TMOD3: variants seen among roughly 807,000 people sequenced by gnomAD.
TMOD3 encodes the protein tropomodulin-3.
TMOD3 carries 20 observed loss-of-function variants against 39.2 expected under a neutral mutation model. That is an observed-to-expected ratio of 0.51 (90% CI 0.36 to 0.74). The LOEUF is 0.74. Among genes scored for constraint, TMOD3 ranks in the 30% least tolerant of loss-of-function variants. The pLI, the probability that TMOD3 is intolerant of heterozygous loss-of-function variation, is 0.00. For missense variants in TMOD3, 381 were observed against 412.8 expected, an observed-to-expected ratio of 0.92 and a Z score of 0.67; for synonymous variants, 143 against 145.8, an observed-to-expected ratio of 0.98 and a Z score of 0.14.
At chr15:51,855,533 G>GT (rs2056383671) in intron 1 of TMOD3, among the ~76,000 whole-genome samples, 1 of 152,210 alleles carries the variant, frequency 6.6e-6, no homozygotes. Flanking sequence ...AAAAAGTTGT[G>GT]TTTTTCTTAA....
rs186439797 is a variant in TMOD3 at position 51,863,375 on chromosome 15, C to T, written c.126+365C>T. Among the ~76,000 whole-genome samples the T allele has an allele frequency of 3.8e-3, 573 of 152,304 alleles. 4 individuals carry two copies. Among genetic ancestry groups the T allele is most frequent in the African/African-American group, 0.013 (551 of 41,568 alleles). On this transcript the variant is annotated intron_variant, in intron 2 of 9. Transcript: ENST00000308580. ...TCAGAGCTTCTATGCCAGGTGGCTC[C>T]AGTGTAGAATGCCTCTAAAAGATTC...
In TMOD3 at chr15:51,902,237, G is replaced by A. The variant is rs1252756724; in HGVS notation, c.1024+201G>A. 2.0e-5 allele frequency among the ~76,000 whole-genome samples: 3 copies of A among 152,064 alleles called. 1 individual carries two copies. Among genetic ancestry groups the A allele is most frequent in the African/African-American group, 7.2e-5 (3 of 41,398 alleles). On this transcript the variant is annotated intron_variant, in intron 9 of 9. Transcript: ENST00000308580. ...ATGATTGGGTCAATGGGTAAAATCA[G>A]CTTCCTGTGACAAGCGTATTTCATA...
At chr15:51,852,364 G>C (rs1221211038) in intron 1 of TMOD3, among the ~76,000 whole-genome samples, 1 of 151,846 alleles carries the variant, frequency 6.6e-6, no homozygotes, top group African/African-American at 2.4e-5. Flanking sequence ...AAGGCCTCCA[G>C]CACCTGAAGT....
chr15:51,891,252 T>G (rs2056591831), intron 5 of TMOD3, among the ~76,000 whole-genome samples: 1 of 151,492 alleles, frequency 6.6e-6, no homozygotes, highest in Admixed American at 6.6e-5. Context: ...TCCTTTTTTT[T>G]TTTTTTTTCT....
At chr15:51,841,422 C>G (rs1270853786) in intron 1 of TMOD3, among the ~76,000 whole-genome samples, 1 of 151,962 alleles carries the variant, frequency 6.6e-6, no homozygotes, top group Non-Finnish European at 1.5e-5. Context: ...TCTCAGCAAC[C>G]TCCTCTCTTT....
At chr15:51,837,763 T>C (rs1385688253) in intron 1 of TMOD3, among the ~76,000 whole-genome samples, 1 of 152,194 alleles carries the variant, frequency 6.6e-6, no homozygotes, top group Admixed American at 6.5e-5. Context: ...TGTCAAGTCA[T>C]CTCACTTCCT....
intron 1 of TMOD3, chr15:51,860,095 C>T (rs2056409415): frequency 1.0e-5 from 5 of 501,148 alleles, no homozygotes; most frequent in South Asian, 7.5e-5. Flanking sequence ...TGTCTTATTT[C>T]GTTGTAGGCT....
chr15:51,878,088 T>A (rs1366196515), intron 3 of TMOD3, among the ~76,000 whole-genome samples: 2 of 152,238 alleles, frequency 1.3e-5, no homozygotes, highest in Non-Finnish European at 2.9e-5. Flanking sequence ...AGCTCAGCAT[T>A]CACCAGGCTC....
At chr15:51,848,051 G>C (rs1489604143) in intron 1 of TMOD3, among the ~76,000 whole-genome samples, 1 of 152,122 alleles carries the variant, frequency 6.6e-6, no homozygotes, top group Non-Finnish European at 1.5e-5. Flanking sequence ...TCAGGACACA[G>C]CTCCATCTGT....
In TMOD3 at chr15:51,911,653, A is replaced by AT. The variant is rs2056712426; in HGVS notation, c.*2845dup. 6.6e-6 allele frequency: 1 copy of AT among 152,172 alleles called. No individual in the cohort carries two copies. The highest frequency in any genetic ancestry group is 6.5e-5 in the Admixed American group (1 of 15,270). 9.4% of individuals were successfully genotyped at this position (152,172 alleles called of 1,614,324 possible). On this transcript the variant is annotated 3_prime_UTR_variant, in exon 10 of 10. Transcript: ENST00000308580. ...AAAAGAATATTCTTTGTGTTTTTAA[A>AT]TTGCTATTTTTAAAAAAGCTTTTTA...
intron 1 of TMOD3, among the ~76,000 whole-genome samples, chr15:51,837,254 G>T (rs1028706074): frequency 7.2e-5 from 11 of 152,038 alleles, no homozygotes; most frequent in Non-Finnish European, 1.5e-4. Context: ...ACTTTGATGA[G>T]GAGTTAAGGA....
At chr15:51,859,300 G>A (rs923811258) in intron 1 of TMOD3, 3 of 731,658 alleles carry the variant, frequency 4.1e-6, no homozygotes, top group Non-Finnish European at 7.7e-6. Flanking sequence ...GGTCTACCAA[G>A]GGGGTGGTTC....
At chr15:51,829,948 C>T (rs996259938) in intron 1 of TMOD3, 112 bp downstream of exon 1, 4 of 152,298 alleles carry the variant, frequency 2.6e-5, no homozygotes, top group Non-Finnish European at 5.9e-5. Flanking sequence ...CCGCCCGACT[C>T]CAGGCTCCTT....
intron 9 of TMOD3, among the ~76,000 whole-genome samples, chr15:51,907,822 C>T (rs2056689983): frequency 6.6e-6 from 1 of 152,144 alleles, no homozygotes; most frequent in African/African-American, 2.4e-5. Flanking sequence ...TAGAGAACAC[C>T]CCTGAGTAGT....
chr15:51,893,874 G>T lies in TMOD3; in HGVS notation c.556G>T (p.Val186Leu), dbSNP rs367552959. Residue 186 changes from valine to leucine, a missense_variant, in exon 6 of 10, where the codon GTA becomes TTA. Transcript: ENST00000308580. ...TGATGAGCCACCAAATCCAACCAATGTAGAAGAGAGTTTGAAGAGAACTAA... is the reference window on the plus strand; with the variant it reads ...TGATGAGCCACCAAATCCAACCAATTTAGAAGAGAGTTTGAAGAGAACTAA... ...VFDEPPNPTN[V>L]EESLKRTKEN... The T allele has an allele frequency of 4.7e-5, 75 of 1,610,772 alleles. No individual in the cohort carries two copies. Among genetic ancestry groups the T allele is most frequent in the Non-Finnish European group, 5.9e-5 (70 of 1,178,244 alleles).
intron 1 of TMOD3, among the ~76,000 whole-genome samples, chr15:51,843,615 G>A (rs765753751): frequency 6.6e-6 from 1 of 152,120 alleles, no homozygotes; most frequent in Non-Finnish European, 1.5e-5. Context: ...TTTTTATGAG[G>A]TTCCAGAAGT....
chr15:51,887,220 C>CA (rs35718814), intron 3 of TMOD3, among the ~76,000 whole-genome samples: 2,492 of 104,578 alleles, frequency 0.024, 75 homozygotes, highest in East Asian at 0.12. Context: ...GACTCCATCT[C>CA]AAAAAAAAAA....
chr15:51,857,108 A>G (rs1203537716), intron 1 of TMOD3, among the ~76,000 whole-genome samples: 1 of 152,246 alleles, frequency 6.6e-6, no homozygotes, highest in East Asian at 1.9e-4. Flanking sequence ...GAACAACATT[A>G]AATGAAAAAA....
Position 51,892,489 on chromosome 15 carries a change from G to A in TMOD3, c.497-1326G>A, listed in dbSNP as rs771029045. On this transcript the variant is annotated intron_variant, in intron 5 of 9. Transcript: ENST00000308580. ...TTCCTGTGTGGGTAGCTGAGGTAAA[G>A]ATTAGGGAGTGAGAGTGAGGGAGGG... is the stretch of plus-strand genomic sequence containing the variant. 2.6e-5 allele frequency: 4 copies of A among 152,232 alleles called. No individual in the cohort carries two copies. The East Asian group carries it at 7.7e-4, about 29-fold the overall frequency. The allele number at this position is 152,232 out of a possible 1,614,324, so 9.4% of individuals were successfully genotyped here.
Sources: gnomAD v4.1 joint callset for allele counts (sites outside exome capture counted in the v4.1 genomes callset) on GRCh38, gnomAD v4.1.1 for gene constraint, MANE v1.5 for transcripts, NCBI Gene and HGNC (gene_info 2026-07-23, HGNC 2026-07-21) for gene names.